Variants in TP53BP2 observed in about 807,000 individuals in gnomAD.
TP53BP2 encodes tumor protein p53 binding protein 2.
In TP53BP2, 62 loss-of-function variants were observed where a neutral mutation model predicts 126.2. The observed-to-expected ratio is 0.49, with a 90% CI of 0.40 to 0.61. The LOEUF is 0.61. Ranked by LOEUF, TP53BP2 falls within the 20% of genes least tolerant of loss-of-function variation. TP53BP2 has a pLI of 0.00. For synonymous variants in TP53BP2, 485 were observed against 502.9 expected (o/e 0.96, Z 0.48); for missense variants, 1,215 against 1,402.8 (o/e 0.87, Z 2.14).
chr1:223,808,150 G>C (rs1273557448), intron 4 of TP53BP2, among the ~76,000 whole-genome samples: 1 of 152,178 alleles, frequency 6.6e-6, no homozygotes, highest in African/African-American at 2.4e-5. Context: ...TTAGACAAAG[G>C]TGCAAAAGCA....
intron 2 of TP53BP2, among the ~76,000 whole-genome samples, chr1:223,819,914 G>A (rs1387751040): frequency 6.6e-6 from 1 of 152,160 alleles, no homozygotes; most frequent in African/African-American, 2.4e-5. Flanking sequence ...CCCTTAAATA[G>A]TTTACATTCT....
At chr1:223,816,582 T>C (rs1663094991) in intron 2 of TP53BP2, among the ~76,000 whole-genome samples, 1 of 152,070 alleles carries the variant, frequency 6.6e-6, no homozygotes, top group Admixed American at 6.5e-5. Flanking sequence ...GGCAACCACA[T>C]TTGAAATCAG....
rs552109236 is a variant in TP53BP2 at position 223,785,349 on chromosome 1, TAGA to T, written c.3164-1038_3164-1036del. On this transcript the variant is annotated intron_variant, in intron 16 of 17. Transcript: ENST00000343537. ...ACTGAAACAAGAAATTCTTCTTTTCTAGAAGAAGGCTCTGCCAATCTAAAGAGA... is the reference window on the plus strand; with the variant it reads ...ACTGAAACAAGAAATTCTTCTTTTCTAGAAGGCTCTGCCAATCTAAAGAGA... Among the ~76,000 whole-genome samples the T allele has an allele frequency of 2.0e-4, 31 of 152,342 alleles. 1 individual carries two copies. In the South Asian group the frequency reaches 6.4e-3, roughly 32 times the overall value.
At chr1:223,787,787 A>G (rs1286361805) in intron 16 of TP53BP2, among the ~76,000 whole-genome samples, 1 of 152,104 alleles carries the variant, frequency 6.6e-6, no homozygotes, top group Non-Finnish European at 1.5e-5. Flanking sequence ...CTGAGGTGGA[A>G]GGATCACCTG....
chr1:223,806,795 G>A, intron 5 of TP53BP2, 51 bp downstream of exon 5: 2 of 1,477,154 alleles, frequency 1.4e-6, no homozygotes, highest in South Asian at 1.1e-5. Flanking sequence ...CTGCACTCCA[G>A]CCTAGGCGAC....
At chr1:223,810,672 A>G (rs368702804) in intron 3 of TP53BP2, among the ~76,000 whole-genome samples, 159 bp from the exon 4 acceptor site, 5 of 152,352 alleles carry the variant, frequency 3.3e-5, no homozygotes, top group African/African-American at 1.2e-4. Context: ...AAGGTCTCAT[A>G]ACTCAGTGTG....
chr1:223,832,062 G>C (rs1483781588), intron 1 of TP53BP2, among the ~76,000 whole-genome samples: 1 of 151,964 alleles, frequency 6.6e-6, no homozygotes, highest in Non-Finnish European at 1.5e-5. Flanking sequence ...AAAAAAAACT[G>C]ATTAGGGCAT....
intron 15 of TP53BP2, among the ~76,000 whole-genome samples, chr1:223,790,075 C>T (rs1662098368): frequency 6.6e-6 from 1 of 151,312 alleles, no homozygotes; most frequent in South Asian, 2.1e-4. Flanking sequence ...AGTTTGAGAC[C>T]AGCCTGGCCA....
In TP53BP2 at chr1:223,802,339, T is replaced by C. The variant is rs903870338; in HGVS notation, c.1002A>G (p.Ser334=). 9 of 1,613,968 alleles carry C rather than the reference T, an allele frequency of 5.6e-6. No individual in the cohort carries two copies. The highest frequency in any genetic ancestry group is 6.8e-6 in the Non-Finnish European group (8 of 1,179,962). ...CTTGCTGGGGAAGATTTCCATCAGATGAAACCTTAGGAAAGAAGCACAGGT... is the reference window on the plus strand; with the variant it reads ...CTTGCTGGGGAAGATTTCCATCAGACGAAACCTTAGGAAAGAAGCACAGGT... ...ALQQKENLPV[S]SDGNLPQQAA... The change falls in exon 9 of 18, where the codon TCA becomes TCG. Residue 334 remains serine (S), a synonymous_variant. Coordinates refer to ENST00000343537, the MANE Select transcript of TP53BP2 (RefSeq NM_001031685.3).
chr1:223,794,156 TA>T (rs922018421), intron 13 of TP53BP2, among the ~76,000 whole-genome samples: 58 of 144,918 alleles, frequency 4.0e-4, no homozygotes, highest in Admixed American at 4.8e-4. Context: ...GAATCGGACT[TA>T]AAAAAAAAAA....
chr1:223,814,336 T>G lies in TP53BP2; in HGVS notation c.193A>C (p.Asn65His). Residue 65 changes from asparagine (N) to histidine (H), a missense_variant, in exon 3 of 18, where the codon AAT becomes CAT. By Grantham distance (68) the Asn-to-His change is moderately conservative. Transcript: ENST00000343537. ...TGAAGAACATCAAACATTCGCTCAT[T>G]ATCCGCAACTGGACGTTCTAAAGCA... The part of the protein sequence containing the change: ...WCGSERPVAD[N>H]ERMFDVLQRF... 1.9e-6 allele frequency: 3 copies of G among 1,613,290 alleles called. No homozygotes were observed. The highest frequency in any genetic ancestry group is 1.3e-5 in the African/African-American group (1 of 75,068).
chr1:223,824,569 T>G (rs1663423312), intron 1 of TP53BP2, among the ~76,000 whole-genome samples: 1 of 152,186 alleles, frequency 6.6e-6, no homozygotes, highest in Non-Finnish European at 1.5e-5. Flanking sequence ...AAACTCAGCA[T>G]CCTCATCTTC....
chr1:223,808,338 C>T (rs974932982), intron 4 of TP53BP2, among the ~76,000 whole-genome samples: 3 of 151,868 alleles, frequency 2.0e-5, no homozygotes, highest in African/African-American at 4.8e-5. Flanking sequence ...GTCAGGAGTT[C>T]GAGACCAGCC....
chr1:223,797,866 G>C (rs1298208724), intron 12 of TP53BP2, among the ~76,000 whole-genome samples: 1 of 151,558 alleles, frequency 6.6e-6, no homozygotes, highest in African/African-American at 2.4e-5. Context: ...ACACAGACAG[G>C]GGCAGTGGTC....
At chr1:223,798,144 G>C in intron 12 of TP53BP2, 71 bp downstream of exon 12, 1 of 1,425,618 alleles carries the variant, frequency 7.0e-7, no homozygotes, top group Admixed American at 2.1e-5. Context: ...TTATTTTGCT[G>C]TCTGCTGAGG....
rs539392570 is a variant in TP53BP2, at chr1:223,809,890, G to A, written c.372+541C>T. On this transcript the variant is annotated intron_variant, in intron 4 of 17. Coordinates refer to ENST00000343537, the MANE Select transcript of TP53BP2 (RefSeq NM_001031685.3). ...TGCCCAGGCTGGAGTGCCATGGCGC[G>A]ACCTAGGCTCACTGCAATCTCTGCC... Among the ~76,000 whole-genome samples, 54 of 151,950 alleles carry A rather than the reference G, an allele frequency of 3.6e-4. 1 individual carries two copies. In the South Asian group the frequency reaches 9.4e-3, roughly 26 times the overall value.
intron 1 of TP53BP2, chr1:223,825,741 C>T (rs1038628721): frequency 6.6e-6 from 1 of 152,038 alleles, no homozygotes; most frequent in Admixed American, 6.5e-5. Flanking sequence ...ACAGACAGTA[C>T]AAAATTCAAA....
intron 4 of TP53BP2, among the ~76,000 whole-genome samples, chr1:223,808,240 G>A (rs1662787930): frequency 6.6e-6 from 1 of 152,148 alleles, no homozygotes. Flanking sequence ...ATAAACCTCA[G>A]GGCCGGGCAC....
chr1:223,817,769 T>C (rs1269359222), intron 2 of TP53BP2, among the ~76,000 whole-genome samples: 2 of 151,766 alleles, frequency 1.3e-5, no homozygotes, highest in Admixed American at 6.6e-5. Flanking sequence ...CTACTAAAAA[T>C]ATAAAAATTA....
Sources: gnomAD v4.1 joint callset for allele counts (sites outside exome capture counted in the v4.1 genomes callset) on GRCh38, gnomAD v4.1.1 for gene constraint, MANE v1.5 for transcripts, NCBI Gene and HGNC (gene_info 2026-07-23, HGNC 2026-07-21) for gene names.